LRRC4C: variants seen among roughly 807,000 people sequenced by gnomAD.
The protein encoded by LRRC4C is leucine rich repeat containing 4C.
Under a neutral mutation model 33.6 loss-of-function variants are expected in LRRC4C, and 5 were observed. That is an observed-to-expected ratio of 0.15 (90% confidence interval 0.08 to 0.31). LRRC4C has a LOEUF of 0.31. Among genes scored for constraint, LRRC4C ranks in the 10% least tolerant of loss-of-function variants. The pLI is 1.00. For synonymous variants in LRRC4C, 329 were observed against 302.0 expected (o/e 1.09, Z -0.93); for missense variants, 560 against 796.7 (o/e 0.70, Z 3.58).
At chr11:41,187,088 A>C (rs1287276056) in intron 1 of LRRC4C, among the ~76,000 whole-genome samples, 4 of 152,170 alleles carry the variant, frequency 2.6e-5, no homozygotes, top group African/African-American at 4.8e-5. Context: ...AAATTGTGAT[A>C]ATAGCAGTGA....
intron 1 of LRRC4C, among the ~76,000 whole-genome samples, chr11:41,288,353 G>A (rs140138789): frequency 3.9e-5 from 6 of 152,204 alleles, no homozygotes; most frequent in African/African-American, 9.6e-5. Flanking sequence ...CCTCTATAAC[G>A]GTGACTAGAA....
chr11:40,140,327 T>C (rs1461683393), intron 6 of LRRC4C, among the ~76,000 whole-genome samples: 1 of 152,134 alleles, frequency 6.6e-6, no homozygotes, highest in East Asian at 1.9e-4. Flanking sequence ...GTAAATACGT[T>C]TATGTGTATG....
At chr11:41,241,405 G>A (rs1298161304) in intron 1 of LRRC4C, among the ~76,000 whole-genome samples, 1 of 152,040 alleles carries the variant, frequency 6.6e-6, no homozygotes, top group Non-Finnish European at 1.5e-5. Flanking sequence ...GGAAATGTTG[G>A]TAAAGAAACA....
intron 3 of LRRC4C, among the ~76,000 whole-genome samples, chr11:40,607,769 G>C (rs922827061): frequency 2.6e-5 from 4 of 152,090 alleles, no homozygotes; most frequent in Admixed American, 2.6e-4. Flanking sequence ...ATGTCTAATT[G>C]AGCTGATTAA....
At chr11:40,544,879 A>G (rs896055596) in intron 3 of LRRC4C, among the ~76,000 whole-genome samples, 6 of 152,052 alleles carry the variant, frequency 3.9e-5, no homozygotes, top group African/African-American at 1.4e-4. Flanking sequence ...GAATCTAAAA[A>G]CGATCAAACA....
At chr11:40,938,183 G>A (rs1165810223) in intron 1 of LRRC4C, among the ~76,000 whole-genome samples, 1 of 152,124 alleles carries the variant, frequency 6.6e-6, no homozygotes, top group African/African-American at 2.4e-5. Flanking sequence ...AACAGGCGCA[G>A]GTCTCCTCCA....
intron 3 of LRRC4C, among the ~76,000 whole-genome samples, chr11:40,382,915 G>A (rs1269279255): frequency 4.0e-5 from 6 of 151,752 alleles, no homozygotes; most frequent in Middle Eastern, 3.4e-3. Context: ...GGATGGTGTC[G>A]ATCTCCTGAC....
At chr11:40,394,238 G>C (rs1052100025) in intron 3 of LRRC4C, among the ~76,000 whole-genome samples, 1 of 152,080 alleles carries the variant, frequency 6.6e-6, no homozygotes, top group African/African-American at 2.4e-5. Context: ...AAAAACTAAG[G>C]CACTCCATGC....
intron 2 of LRRC4C, among the ~76,000 whole-genome samples, chr11:40,915,214 C>T (rs1300007762): frequency 1.3e-5 from 2 of 151,990 alleles, no homozygotes; most frequent in South Asian, 2.1e-4. Flanking sequence ...TCATATGGAA[C>T]CAAAAAAGAG....
chr11:41,358,033 G>A (rs1952223026), intron 1 of LRRC4C, among the ~76,000 whole-genome samples: 1 of 152,100 alleles, frequency 6.6e-6, no homozygotes, highest in Admixed American at 6.6e-5. Flanking sequence ...TCAAGATAGT[G>A]TGATACTGGT....
intron 1 of LRRC4C, among the ~76,000 whole-genome samples, chr11:41,297,675 T>C (rs1950180565): frequency 6.6e-6 from 1 of 152,202 alleles, no homozygotes; most frequent in Admixed American, 6.5e-5. Flanking sequence ...GCCTGTTTAC[T>C]ATATATTTCA....
chr11:40,758,240 T>A (rs572791371), intron 2 of LRRC4C, among the ~76,000 whole-genome samples: 2 of 152,096 alleles, frequency 1.3e-5, no homozygotes, highest in East Asian at 3.9e-4. Context: ...TTCTATTGAG[T>A]AACTGGCTTT....
chr11:40,919,870 C>A (rs1957104621), intron 2 of LRRC4C, among the ~76,000 whole-genome samples: 1 of 151,776 alleles, frequency 6.6e-6, no homozygotes, highest in African/African-American at 2.4e-5. Context: ...CTTTGCAAGG[C>A]ATAAAAAAAC....
chr11:41,388,745 A>G (rs1325464873), intron 1 of LRRC4C, among the ~76,000 whole-genome samples: 1 of 151,914 alleles, frequency 6.6e-6, no homozygotes, highest in Non-Finnish European at 1.5e-5. Flanking sequence ...CATTATACAA[A>G]GATTCTAAAC....
At chr11:41,422,761 A>C (rs996084) in intron 1 of LRRC4C, among the ~76,000 whole-genome samples, 74,380 of 151,876 alleles carry the variant, frequency 0.49, 18,500 homozygotes, top group South Asian at 0.6. Flanking sequence ...ATTTATACTT[A>C]AAACAGCTTT....
At chr11:40,920,958 T>C (rs747052404) in intron 2 of LRRC4C, among the ~76,000 whole-genome samples, 5 of 151,512 alleles carry the variant, frequency 3.3e-5, no homozygotes, top group Admixed American at 6.6e-5. Context: ...TCTTGCTCTG[T>C]TGTCCAGGCT....
intron 3 of LRRC4C, among the ~76,000 whole-genome samples, chr11:40,334,269 A>G (rs2136957598): frequency 6.6e-6 from 1 of 152,302 alleles, no homozygotes. Flanking sequence ...TTTGCTTAGC[A>G]AGGACACAGT....
At chr11:41,213,080 G>A (rs1284782822) in intron 1 of LRRC4C, among the ~76,000 whole-genome samples, 4 of 152,124 alleles carry the variant, frequency 2.6e-5, no homozygotes, top group South Asian at 4.1e-4. Context: ...CATATTAGAA[G>A]TTTCTACAAT....
chr11:40,852,919 T>C, intron 2 of LRRC4C, among the ~76,000 whole-genome samples: 1 of 152,190 alleles, frequency 6.6e-6, no homozygotes, highest in East Asian at 1.9e-4. Context: ...AAAGACCAAA[T>C]ATAGATGTCT....
Sources: gnomAD v4.1 joint callset for allele counts (sites outside exome capture counted in the v4.1 genomes callset) on GRCh38, gnomAD v4.1.1 for gene constraint, MANE v1.5 for transcripts, NCBI Gene and HGNC (gene_info 2026-07-23, HGNC 2026-07-21) for gene names.